Variants in SPAG16 observed in about 807,000 individuals in gnomAD.
The protein encoded by SPAG16 is sperm-associated antigen 16 protein.
SPAG16 carries 86 observed loss-of-function variants against 80.4 expected under a neutral mutation model. The observed-to-expected ratio is 1.07, with a 90% CI of 0.90 to 1.28. The LOEUF (loss-of-function observed/expected upper bound fraction) is 1.28, where lower values mean the gene tolerates loss of function less well. SPAG16 is among the 50% of genes most tolerant of loss of function. SPAG16 has a pLI of 0.00. For synonymous variants in SPAG16, 294 were observed against 265.9 expected (o/e 1.11, Z -1.03); for missense variants, 870 against 765.3 (o/e 1.14, Z -1.61).
chr2:213,868,604 A>G (rs576954621), intron 11 of SPAG16, among the ~76,000 whole-genome samples: 6 of 152,358 alleles, frequency 3.9e-5, no homozygotes, highest in Admixed American at 1.3e-4. Context: ...CCAGTTCACC[A>G]GTGCTTGGAG....
intron 8 of SPAG16, among the ~76,000 whole-genome samples, chr2:213,371,415 A>G (rs1559465929): frequency 7.8e-6 from 1 of 127,954 alleles, no homozygotes; most frequent in African/African-American, 2.8e-5. Context: ...AAAAAAAAAA[A>G]AAAGAAAAGA....
At chr2:213,431,520 T>C (rs1173488809) in intron 9 of SPAG16, among the ~76,000 whole-genome samples, 1 of 152,038 alleles carries the variant, frequency 6.6e-6, no homozygotes, top group East Asian at 1.9e-4. Context: ...AAAGTCATTA[T>C]ATAATGATAA....
chr2:213,446,553 A>T (rs1160558561), intron 9 of SPAG16, among the ~76,000 whole-genome samples: 3 of 152,230 alleles, frequency 2.0e-5, no homozygotes, highest in Non-Finnish European at 2.9e-5. Flanking sequence ...AAAGAATTTT[A>T]AAAATGAACA....
chr2:213,802,427 ATCT>A (rs2071475089), intron 10 of SPAG16, among the ~76,000 whole-genome samples: 1 of 151,466 alleles, frequency 6.6e-6, no homozygotes, highest in Non-Finnish European at 1.5e-5. Context: ...CTATCTATCT[ATCT>A]ATCTATCTAT....
At chr2:213,785,512 A>G (rs1369220983) in intron 10 of SPAG16, among the ~76,000 whole-genome samples, 1 of 152,182 alleles carries the variant, frequency 6.6e-6, no homozygotes, top group Non-Finnish European at 1.5e-5. Context: ...ATTTTCACAT[A>G]CATTGGAATA....
chr2:214,346,709 T>C (rs551334649), intron 15 of SPAG16, among the ~76,000 whole-genome samples: 85 of 152,296 alleles, frequency 5.6e-4, no homozygotes, highest in African/African-American at 2.0e-3. Context: ...TCAATTCCCG[T>C]GAGACTACAA....
chr2:213,720,393 C>A (rs965963081), intron 10 of SPAG16, among the ~76,000 whole-genome samples: 1 of 150,894 alleles, frequency 6.6e-6, no homozygotes, highest in Non-Finnish European at 1.5e-5. Flanking sequence ...TTTGGGAGGC[C>A]GAGGTGGGCA....
At chr2:213,323,830 A>G (rs745395987) in intron 5 of SPAG16, among the ~76,000 whole-genome samples, 2 of 152,220 alleles carry the variant, frequency 1.3e-5, no homozygotes, top group African/African-American at 2.4e-5. Context: ...ATGTGAGGAC[A>G]TGCATGAACC....
intron 15 of SPAG16, among the ~76,000 whole-genome samples, chr2:214,186,616 C>G (rs2057486476): frequency 6.6e-6 from 1 of 152,084 alleles, no homozygotes; most frequent in African/African-American, 2.4e-5. Context: ...CTGGAGCATA[C>G]ATGTCACTCC....
chr2:213,695,543 A>G (rs1482238103), intron 10 of SPAG16, among the ~76,000 whole-genome samples: 1 of 152,240 alleles, frequency 6.6e-6, no homozygotes, highest in African/African-American at 2.4e-5. Flanking sequence ...ATCAGCTGTT[A>G]GAAAAATATT....
chr2:213,352,438 T>C (rs528163777), intron 7 of SPAG16, among the ~76,000 whole-genome samples: 4 of 152,170 alleles, frequency 2.6e-5, no homozygotes, highest in Non-Finnish European at 4.4e-5. Context: ...CTATTCCAGA[T>C]GGGCCAAGCT....
chr2:214,034,320 T>A (rs1010501878), intron 13 of SPAG16, among the ~76,000 whole-genome samples: 1 of 152,190 alleles, frequency 6.6e-6, no homozygotes, highest in African/African-American at 2.4e-5. Context: ...TTAAAAAATA[T>A]CTTATTATTT....
intron 10 of SPAG16, among the ~76,000 whole-genome samples, chr2:213,558,649 T>C (rs1175116362): frequency 6.6e-6 from 1 of 152,144 alleles, no homozygotes; most frequent in Non-Finnish European, 1.5e-5. Context: ...GAATATTCAC[T>C]ATACAAGATA....
intron 14 of SPAG16, among the ~76,000 whole-genome samples, chr2:214,143,940 A>T (rs773774014): frequency 6.6e-6 from 1 of 152,058 alleles, no homozygotes; most frequent in Admixed American, 6.6e-5. Flanking sequence ...GGAGGATCAC[A>T]TGAGGCCACA....
chr2:213,976,194 GTA>G (rs540049263), intron 12 of SPAG16, among the ~76,000 whole-genome samples: 26 of 148,206 alleles, frequency 1.8e-4, no homozygotes, highest in Admixed American at 3.4e-4. Flanking sequence ...GTGCGTATGT[GTA>G]TATATACACA....
chr2:213,999,662 G>C (rs2046694991), intron 12 of SPAG16, among the ~76,000 whole-genome samples: 1 of 152,204 alleles, frequency 6.6e-6, no homozygotes, highest in Admixed American at 6.5e-5. Flanking sequence ...GCCTGGCAAA[G>C]TCACAGACAC....
chr2:213,822,661 C>T (rs576350138), intron 10 of SPAG16, among the ~76,000 whole-genome samples: 4 of 152,162 alleles, frequency 2.6e-5, no homozygotes, highest in Admixed American at 6.6e-5. Context: ...AGGTTTGTTA[C>T]GTAAGTACAC....
At chr2:214,162,519 TTATTTC>T (rs2056481567) in intron 15 of SPAG16, among the ~76,000 whole-genome samples, 1 of 152,084 alleles carries the variant, frequency 6.6e-6, no homozygotes, top group Non-Finnish European at 1.5e-5. Flanking sequence ...AGATTCAACT[TTATTTC>T]TCTTTCTAAT....
At chr2:213,548,057 T>G (rs765624276) in intron 10 of SPAG16, among the ~76,000 whole-genome samples, 3 of 152,216 alleles carry the variant, frequency 2.0e-5, no homozygotes, top group Non-Finnish European at 4.4e-5. Context: ...CATAAAACTT[T>G]ACAGGGAAAA....
Sources: allele counts gnomAD v4.1 joint callset (sites outside exome capture counted in the v4.1 genomes callset), GRCh38; gene constraint gnomAD v4.1.1; transcripts MANE v1.5; gene names NCBI Gene and HGNC (gene_info 2026-07-23, HGNC 2026-07-21).